The following PCDH15 variants were observed in gnomAD, a reference collection of about 807,000 sequenced individuals.
PCDH15 encodes the protein protocadherin-15.
A neutral mutation model predicts 178.5 loss-of-function variants in PCDH15; 129 were observed. That is an observed-to-expected ratio of 0.72 (90% confidence interval 0.63 to 0.84). The LOEUF (loss-of-function observed/expected upper bound fraction) is 0.84, where lower values mean the gene tolerates loss of function less well. PCDH15 is among the 40% of genes least tolerant of loss of function. The pLI is 0.00. For synonymous variants in PCDH15, 800 were observed against 732.0 expected (o/e 1.09, Z -1.50); for missense variants, 2,230 against 2,099.9 (o/e 1.06, Z -1.21).
intron 8 of PCDH15, among the ~76,000 whole-genome samples, chr10:54,272,050 T>A (rs927419409): frequency 1.4e-5 from 2 of 142,790 alleles, no homozygotes; most frequent in Non-Finnish European, 1.5e-5. Context: ...TATATATATA[T>A]AAAACATTTG....
intron 1 of PCDH15, among the ~76,000 whole-genome samples, chr10:54,725,596 A>C (rs1942381471): frequency 7.6e-6 from 1 of 131,152 alleles, no homozygotes. Flanking sequence ...GATTAAACAA[A>C]GGAATGTAAT....
chr10:55,356,257 G>C (rs962509541), intron 2 of PCDH15, among the ~76,000 whole-genome samples: 15 of 151,842 alleles, frequency 9.9e-5, no homozygotes, highest in African/African-American at 3.1e-4. Context: ...AGAAAAGAAT[G>C]AGAGAGGGAA....
At position 54,050,174 on chromosome 10, in the gene PCDH15, T is replaced by C. The variant is rs142880311; in HGVS notation, c.2220+16583A>G. Among the ~76,000 whole-genome samples the C allele has an allele frequency of 4.6e-3, 698 of 152,298 alleles. 3 individuals carry two copies. Among genetic ancestry groups the C allele is most frequent in the Non-Finnish European group, 7.6e-3 (516 of 68,024 alleles). On this transcript the variant is annotated intron_variant, in intron 18 of 37. Transcript: ENST00000644397. The stretch of plus-strand genomic sequence containing the variant: ...CTGTATGTCTGGTAGAATTTGGCTG[T>C]GAATCCATCCTTTCAAGGGCATTTT...
chr10:53,923,044 G>A (rs2084141507), intron 25 of PCDH15, among the ~76,000 whole-genome samples: 1 of 152,080 alleles, frequency 6.6e-6, no homozygotes, highest in Non-Finnish European at 1.5e-5. Flanking sequence ...CCAAGATCGT[G>A]CCACTGCACT....
rs1266708993 is a variant in PCDH15, at chr10:55,582,622, A to ATTT, written c.-156+45002_-156+45003insAAA. 6.9e-3 allele frequency among the ~76,000 whole-genome samples: 511 copies of ATTT among 74,030 alleles called. 4 individuals are homozygous for ATTT. Among genetic ancestry groups the ATTT allele is most frequent in the Non-Finnish European group, 9.4e-3 (381 of 40,726 alleles). The allele number at this position is 74,030 out of a possible 152,430, so 48.6% of individuals were successfully genotyped here. ...TATATATATATATATATATATATAT[A>ATTT]TATATATTTTTTTTTTTTTGCTATA... On this transcript the variant is annotated intron_variant, in intron 2 of 5. Coordinates refer to the PCDH15 transcript ENST00000613346.
chr10:54,315,067 T>A (rs2061157795), intron 8 of PCDH15, among the ~76,000 whole-genome samples: 1 of 152,222 alleles, frequency 6.6e-6, no homozygotes, highest in Non-Finnish European at 1.5e-5. Context: ...ATAGGACTGC[T>A]GGATCAAATG....
At chr10:55,365,652 C>A (rs114671312) in intron 2 of PCDH15, among the ~76,000 whole-genome samples, 1 of 102,594 alleles carries the variant, frequency 9.7e-6, no homozygotes, top group Admixed American at 9.8e-5. Context: ...ATGAGTACCA[C>A]GAGATATATG....
chr10:54,090,150 G>A (rs185685373), intron 15 of PCDH15, 87 bp from the exon 16 acceptor site: 16 of 1,002,088 alleles, frequency 1.6e-5, no homozygotes, highest in Non-Finnish European at 2.4e-5. Context: ...GAAACTAATA[G>A]CACAGAATGT....
At chr10:55,025,084 C>T (rs981043317) in intron 2 of PCDH15, among the ~76,000 whole-genome samples, 1 of 152,134 alleles carries the variant, frequency 6.6e-6, no homozygotes, top group African/African-American at 2.4e-5. Context: ...ATCTCTAATA[C>T]CTTTTAATGT....
chr10:55,598,027 A>G (rs1842969750), intron 2 of PCDH15, among the ~76,000 whole-genome samples: 1 of 152,160 alleles, frequency 6.6e-6, no homozygotes, highest in Non-Finnish European at 1.5e-5. Flanking sequence ...AGCTCAAAAC[A>G]CTTTGCTCGA....
chr10:54,459,228 T>C (rs1178624032), intron 3 of PCDH15, among the ~76,000 whole-genome samples: 1 of 152,136 alleles, frequency 6.6e-6, no homozygotes, highest in Admixed American at 6.6e-5. Flanking sequence ...CAGAAAGGCT[T>C]TGGACACCTG....
chr10:54,371,158 G>A (rs1018832690), intron 4 of PCDH15, among the ~76,000 whole-genome samples: 1 of 151,582 alleles, frequency 6.6e-6, no homozygotes, highest in Non-Finnish European at 1.5e-5. Context: ...ATAATAATGG[G>A]TTACAAAATG....
At chr10:54,213,574 G>A (rs958897418) in intron 10 of PCDH15, among the ~76,000 whole-genome samples, 1 of 152,028 alleles carries the variant, frequency 6.6e-6, no homozygotes, top group Non-Finnish European at 1.5e-5. Context: ...TATAAATCAA[G>A]CACATTTTAG....
intron 2 of PCDH15, among the ~76,000 whole-genome samples, chr10:54,963,193 T>C (rs1043628214): frequency 3.3e-5 from 5 of 152,196 alleles, no homozygotes; most frequent in Admixed American, 2.6e-4. Flanking sequence ...ATCAAACTAG[T>C]ATTTCTCATC....
intron 2 of PCDH15, among the ~76,000 whole-genome samples, chr10:55,505,134 C>G (rs1840734281): frequency 6.6e-6 from 1 of 151,130 alleles, no homozygotes; most frequent in Admixed American, 6.6e-5. Context: ...TGAGAAGACA[C>G]AGGAAATGTT....
At chr10:54,502,770 C>T (rs1204721031) in intron 3 of PCDH15, among the ~76,000 whole-genome samples, 1 of 151,978 alleles carries the variant, frequency 6.6e-6, no homozygotes, top group Non-Finnish European at 1.5e-5. Context: ...TTGAATTGGG[C>T]TTGAATGCAG....
intron 2 of PCDH15, among the ~76,000 whole-genome samples, chr10:54,584,020 A>G (rs1480992145): frequency 1.3e-5 from 2 of 152,124 alleles, no homozygotes; most frequent in African/African-American, 4.8e-5. Context: ...ATAAAGATAC[A>G]CATGCTTCAG....
At chr10:55,066,478 T>C (rs1415716443) in intron 2 of PCDH15, among the ~76,000 whole-genome samples, 7 of 150,692 alleles carry the variant, frequency 4.6e-5, no homozygotes, top group Non-Finnish European at 3.0e-5. Flanking sequence ...ATAAATATTG[T>C]TCCTTTCTCT....
intron 3 of PCDH15, among the ~76,000 whole-genome samples, chr10:54,809,868 A>G (rs1952836961): frequency 6.6e-6 from 1 of 152,198 alleles, no homozygotes; most frequent in African/African-American, 2.4e-5. Flanking sequence ...CTTTTGAGTA[A>G]TTGAAACAAA....
Sources: gnomAD v4.1 joint callset for allele counts (sites outside exome capture counted in the v4.1 genomes callset) on GRCh38, gnomAD v4.1.1 for gene constraint, MANE v1.5 for transcripts, NCBI Gene and HGNC (gene_info 2026-07-23, HGNC 2026-07-21) for gene names.